Variants in GHR observed in about 807,000 individuals in gnomAD.
GHR encodes the protein GH receptor.
In GHR, 35 loss-of-function variants were observed where a neutral mutation model predicts 67.1. That is an observed-to-expected ratio of 0.52 (90% CI 0.40 to 0.69). The LOEUF (loss-of-function observed/expected upper bound fraction) is 0.69. Ranked by LOEUF, GHR falls within the 30% of genes least tolerant of loss-of-function variation. The pLI is 0.00. For synonymous variants in GHR, 272 were observed against 269.1 expected (o/e 1.01, Z -0.10); for missense variants, 792 against 764.6 (o/e 1.04, Z -0.42).
chr5:42,468,568 C>T, intron 1 of GHR: 1 of 909,134 alleles, frequency 1.1e-6, no homozygotes, highest in Non-Finnish European at 1.7e-6. Flanking sequence ...CTTTCTTAAG[C>T]ACCATGGACG....
intron 3 of GHR, among the ~76,000 whole-genome samples, chr5:42,683,836 T>C (rs1235570050): frequency 2.6e-5 from 4 of 152,228 alleles, no homozygotes; most frequent in African/African-American, 9.6e-5. Flanking sequence ...AAATTTCCTA[T>C]TTCTTATTTA....
At chr5:42,526,369 G>A (rs1747705689) in intron 1 of GHR, among the ~76,000 whole-genome samples, 2 of 152,214 alleles carry the variant, frequency 1.3e-5, no homozygotes, top group South Asian at 4.1e-4. Context: ...GAAGCTAGCA[G>A]AGGTTGGAAA....
intron 1 of GHR, among the ~76,000 whole-genome samples, chr5:42,497,197 T>C (rs1304938884): frequency 1.3e-5 from 2 of 152,220 alleles, no homozygotes; most frequent in Non-Finnish European, 2.9e-5. Flanking sequence ...CCACAGAGTG[T>C]GCTATTCACT....
intron 1 of GHR, chr5:42,465,345 T>C (rs891973527): frequency 1.0e-5 from 8 of 794,912 alleles, no homozygotes; most frequent in Non-Finnish European, 1.7e-5. Context: ...TTTCAGTTAT[T>C]ACCCACCAGT....
At chr5:42,502,360 A>T (rs1488779517) in intron 1 of GHR, among the ~76,000 whole-genome samples, 2 of 152,224 alleles carry the variant, frequency 1.3e-5, no homozygotes, top group Non-Finnish European at 2.9e-5. Context: ...TATTTTTCAA[A>T]TTGAAGGCTT....
chr5:42,697,959 A>G (rs919969713), intron 5 of GHR, among the ~76,000 whole-genome samples: 1 of 152,126 alleles, frequency 6.6e-6, no homozygotes, highest in African/African-American at 2.4e-5. Context: ...GGATTCTGTT[A>G]TATCTTGAAA....
chr5:42,695,317 A>C (rs567886340), intron 5 of GHR, among the ~76,000 whole-genome samples: 1 of 152,324 alleles, frequency 6.6e-6, no homozygotes. Context: ...GTTGTGAAGA[A>C]GAGAATAGGA....
At position 42,504,744 on chromosome 5, in the gene GHR, C is replaced by A. The variant is rs575583935; in HGVS notation, c.-11-61120C>A. Among the ~76,000 whole-genome samples the A allele has an allele frequency of 3.3e-5, 5 of 152,034 alleles. No individual in the cohort carries two copies. In the East Asian group the frequency reaches 9.7e-4, roughly 29 times the overall value. On this transcript the variant is annotated intron_variant, in intron 1 of 9. Transcript: ENST00000230882. ...ACTGCACTCCAGCCTGAGAACGGAG[C>A]GAGATTCCGTCTCAAAATAAAATAA...
intron 1 of GHR, chr5:42,467,802 TAA>T (rs1024573959): frequency 5.6e-6 from 8 of 1,435,830 alleles, no homozygotes; most frequent in Non-Finnish European, 7.7e-6. Flanking sequence ...TGCTACAATG[TAA>T]AAGACTTTCG....
At chr5:42,636,196 C>G (rs556666009) in intron 3 of GHR, among the ~76,000 whole-genome samples, 1 of 121,088 alleles carries the variant, frequency 8.3e-6, no homozygotes, top group Admixed American at 1.1e-4. Context: ...GGCGACAGAG[C>G]GAGACCCCGT....
At chr5:42,460,649 T>C (rs989563488) in intron 1 of GHR, among the ~76,000 whole-genome samples, 1 of 152,216 alleles carries the variant, frequency 6.6e-6, no homozygotes, top group Admixed American at 6.5e-5. Flanking sequence ...TAAACTTACA[T>C]GTATATCTGC....
chr5:42,506,295 CT>C (rs1327955592), intron 1 of GHR, among the ~76,000 whole-genome samples: 1 of 152,092 alleles, frequency 6.6e-6, no homozygotes, highest in African/African-American at 2.4e-5. Context: ...GATGGACCCT[CT>C]TATGATTTAA....
At chr5:42,431,706 AT>A (rs1743103285) in intron 1 of GHR, among the ~76,000 whole-genome samples, 3 of 152,338 alleles carry the variant, frequency 2.0e-5, no homozygotes, top group African/African-American at 7.2e-5. Flanking sequence ...TTCCCAATGA[AT>A]TATACTTCTT....
chr5:42,522,187 G>T (rs1747505991), intron 1 of GHR, among the ~76,000 whole-genome samples: 1 of 152,132 alleles, frequency 6.6e-6, no homozygotes, highest in Admixed American at 6.5e-5. Flanking sequence ...AAGGCCATTT[G>T]TTGATTGAGC....
At chr5:42,631,352 C>G (rs1254666270) in intron 3 of GHR, among the ~76,000 whole-genome samples, 4 of 152,230 alleles carry the variant, frequency 2.6e-5, no homozygotes, top group African/African-American at 7.2e-5. Context: ...GTCACCTGCT[C>G]TCTGTCCCAG....
chr5:42,451,837 G>C (rs1485595535), intron 1 of GHR, among the ~76,000 whole-genome samples: 2 of 152,134 alleles, frequency 1.3e-5, no homozygotes, highest in East Asian at 3.9e-4. Context: ...GCGGATACTT[G>C]GTTGTCGGAT....
intron 1 of GHR, among the ~76,000 whole-genome samples, chr5:42,475,548 C>T (rs1053722588): frequency 2.0e-5 from 3 of 151,712 alleles, no homozygotes; most frequent in Non-Finnish European, 4.4e-5. Context: ...AGTTGGGTGG[C>T]ATTAAAGTGG....
intron 1 of GHR, among the ~76,000 whole-genome samples, chr5:42,490,232 T>G (rs1055318346): frequency 6.6e-6 from 1 of 152,240 alleles, no homozygotes; most frequent in Admixed American, 6.5e-5. Context: ...TTAGGTTTTA[T>G]GCTGCCAGAG....
At chr5:42,531,014 A>T (rs1444289003) in intron 1 of GHR, among the ~76,000 whole-genome samples, 1 of 152,212 alleles carries the variant, frequency 6.6e-6, no homozygotes, top group African/African-American at 2.4e-5. Flanking sequence ...CACGCCTGTA[A>T]TCCCAGCACT....
Sources: gnomAD v4.1 joint callset for allele counts (sites outside exome capture counted in the v4.1 genomes callset) on GRCh38, gnomAD v4.1.1 for gene constraint, MANE v1.5 for transcripts, NCBI Gene and HGNC (gene_info 2026-07-23, HGNC 2026-07-21) for gene names.